Variants in DNAH12 observed in about 807,000 individuals in gnomAD.
DNAH12 encodes the protein axonemal beta dynein heavy chain 12.
In DNAH12, 285 loss-of-function variants were observed where a neutral mutation model predicts 371.5. That is an observed-to-expected ratio of 0.77 (90% CI 0.70 to 0.85). The LOEUF is 0.85. DNAH12 is among the 40% of genes least tolerant of loss of function. The probability of loss-of-function intolerance (pLI) is 0.00; values close to 1 mark genes in which losing one functional copy is unlikely to be tolerated. For missense variants in DNAH12, 3,611 were observed against 3,689.4 expected, an observed-to-expected ratio of 0.98 and a Z score of 0.55; for synonymous variants, 1,200 against 1,213.0, an observed-to-expected ratio of 0.99 and a Z score of 0.22.
chr3:57,396,980 G>A lies in DNAH12; in HGVS notation c.6949-2648C>T, dbSNP rs1024547866. 9.1e-3 allele frequency among the ~76,000 whole-genome samples: 1,379 copies of A among 152,124 alleles called. 6 individuals carry two copies. Among genetic ancestry groups the A allele is most frequent in the Non-Finnish European group, 0.014 (966 of 67,998 alleles). On this transcript the variant is annotated intron_variant, in intron 43 of 73. Transcript: ENST00000495027. ...GTGGAGGTTGCAGTGAGTGGAGATC[G>A]TGCCACTGCACTCCAGCCTGGGTGA...
Position 57,538,163 on chromosome 3 carries a change from G to A in DNAH12, c.170+4538C>T, listed in dbSNP as rs1575753092. ...AAAAAAATGAAGTGGAATTCAGTAA[G>A]AGGTAAAGTTTAGCAAAGTGAGCGC... On this transcript the variant is annotated intron_variant, in intron 2 of 73. Transcript: ENST00000495027. Among the ~76,000 whole-genome samples, 6 of 152,198 alleles carry A rather than the reference G, an allele frequency of 3.9e-5. No homozygotes were observed. The South Asian group carries it at 1.2e-3, about 32-fold the overall frequency.
chr3:57,502,480 C>T lies in DNAH12; in HGVS notation c.1087-1G>A. The T allele has an allele frequency of 6.2e-7, 1 of 1,613,578 alleles. No homozygotes were observed. The highest frequency in any genetic ancestry group is 8.5e-7 in the Non-Finnish European group (1 of 1,179,616). On this transcript the variant is annotated splice_acceptor_variant, in intron 9 of 73. Coordinates refer to ENST00000495027, the MANE Select transcript of DNAH12 (RefSeq NM_001366028.2). LOFTEE classifies it high-confidence loss of function. ...GCCAAGAGGGGATTGTTTGGACATT[C>T]TAACACAAATAAAAATAATAACAAT...
intron 43 of DNAH12, among the ~76,000 whole-genome samples, chr3:57,401,402 A>AAG (rs2063856072): frequency 6.6e-6 from 1 of 150,816 alleles, no homozygotes; most frequent in Admixed American, 6.6e-5. Flanking sequence ...ACAAAAAAAA[A>AAG]AAAAAGAAAA....
chr3:57,326,947 T>G (rs1388613973), intron 62 of DNAH12, among the ~76,000 whole-genome samples: 1 of 151,812 alleles, frequency 6.6e-6, no homozygotes, highest in Non-Finnish European at 1.5e-5. Context: ...CCAACAAAGA[T>G]CAAAAGAGAC....
chr3:57,457,241 C>G (rs1164632345), intron 22 of DNAH12, among the ~76,000 whole-genome samples: 1 of 152,164 alleles, frequency 6.6e-6, no homozygotes, highest in African/African-American at 2.4e-5. Context: ...ATGCAAACTC[C>G]TAACTGCCTT....
rs1288812107 is a variant in DNAH12 at position 57,461,535 on chromosome 3, G to A, written c.2690C>T (p.Thr897Ile). The change falls in exon 19 of 74, where the codon ACA (threonine) becomes ATA (isoleucine). Residue 897 changes from threonine to isoleucine, a missense_variant. Around this residue, in one of 3 missense-constraint regions of DNAH12, gnomAD observed 1,314 missense variants for 1,398.7 expected, o/e 0.94. Transcript: ENST00000495027. ...TTTGATGAAAGGTGAGCCTCTCATT[G>A]TCTGAGTTTTTATAATTTGATCATC... is the stretch of plus-strand genomic sequence containing the variant. Reference protein sequence around the residue: ...ILDDQIIKTQTMRGSPFIKPF... With the variant: ...ILDDQIIKTQIMRGSPFIKPF... 6.4e-7 allele frequency: 1 copy of A among 1,551,296 alleles called. No homozygotes were observed. The highest frequency in any genetic ancestry group is 1.2e-5 in the South Asian group (1 of 84,044).
chr3:57,324,281 C>T (rs1038607127), intron 62 of DNAH12, among the ~76,000 whole-genome samples: 2 of 152,042 alleles, frequency 1.3e-5, no homozygotes, highest in Admixed American at 6.6e-5. Flanking sequence ...TACTTTAGGT[C>T]CCTTTGTTAC....
Position 57,452,878 on chromosome 3 carries a change from T to C in DNAH12, c.3751A>G (p.Ile1251Val). Reference protein sequence around the residue: ...EYLGNSPRLVITPLTDRCYRT... With the variant: ...EYLGNSPRLVVTPLTDRCYRT... ...TAACACCTGTCAGTTAGAGGCGTAA[T>C]GACAAGTCGAGGTGAGTTACCAAGA... The change falls in exon 25 of 74, where the codon ATT (isoleucine) becomes GTT (valine). Residue 1251 changes from isoleucine to valine, a missense_variant. Physicochemically the swap from Ile to Val is conservative, Grantham distance 29. Around this residue, in one of 3 missense-constraint regions of DNAH12, gnomAD observed 2,266 missense variants for 2,236.9 expected, o/e 1.01. Coordinates refer to ENST00000495027, the MANE Select transcript of DNAH12 (RefSeq NM_001366028.2). 1.9e-6 allele frequency: 3 copies of C among 1,550,726 alleles called. No individual in the cohort carries two copies. The highest frequency in any genetic ancestry group is 1.4e-5 in the African/African-American group (1 of 73,130).
intron 60 of DNAH12, among the ~76,000 whole-genome samples, chr3:57,343,864 G>C (rs1553657098): frequency 6.6e-6 from 1 of 152,158 alleles, no homozygotes; most frequent in East Asian, 1.9e-4. Context: ...CGTTTGGGTG[G>C]AGAAAAACAT....
At chr3:57,309,293 G>T (rs1354881682) in intron 68 of DNAH12, 39 bp from the exon 69 acceptor site, 2 of 1,450,794 alleles carry the variant, frequency 1.4e-6, no homozygotes, top group East Asian at 2.5e-5. Context: ...ATTATTCTCA[G>T]AATGGATAAT....
intron 34 of DNAH12, 69 bp downstream of exon 34, chr3:57,428,564 T>C: frequency 6.6e-7 from 1 of 1,513,048 alleles, no homozygotes; most frequent in Non-Finnish European, 8.8e-7. Flanking sequence ...CCAACCACTG[T>C]GACTTTAGAC....
chr3:57,327,809 C>T (rs1427322225), intron 62 of DNAH12, among the ~76,000 whole-genome samples: 1 of 151,970 alleles, frequency 6.6e-6, no homozygotes, highest in African/African-American at 2.4e-5. Context: ...TGATAGACCG[C>T]TAGCAAGACT....
intron 70 of DNAH12, among the ~76,000 whole-genome samples, chr3:57,297,876 T>C (rs563404496): frequency 1.6e-4 from 25 of 152,308 alleles, no homozygotes; most frequent in African/African-American, 5.8e-4. Context: ...ACCTACCAAA[T>C]TGTTCAGTGA....
intron 40 of DNAH12, among the ~76,000 whole-genome samples, chr3:57,407,247 C>T (rs1221165645): frequency 1.4e-5 from 2 of 144,932 alleles, no homozygotes; most frequent in Non-Finnish European, 3.0e-5. Flanking sequence ...GCTCCAACCT[C>T]CACACATGGT....
At chr3:57,396,640 A>G (rs1318214826) in intron 43 of DNAH12, among the ~76,000 whole-genome samples, 4 of 152,114 alleles carry the variant, frequency 2.6e-5, no homozygotes, top group African/African-American at 9.7e-5. Context: ...CAGCCTCCCA[A>G]GTATCTGAGA....
chr3:57,513,769 A>G (rs2068084758), intron 4 of DNAH12, among the ~76,000 whole-genome samples: 2 of 152,214 alleles, frequency 1.3e-5, no homozygotes, highest in Non-Finnish European at 2.9e-5. Flanking sequence ...GTCACATATC[A>G]GATTGACAAA....
At chr3:57,521,050 T>TG (rs2068413677) in intron 4 of DNAH12, among the ~76,000 whole-genome samples, 1 of 93,374 alleles carries the variant, frequency 1.1e-5, no homozygotes, top group Non-Finnish European at 1.9e-5. Context: ...GGCGACAAAG[T>TG]GAGACTCTGT....
intron 62 of DNAH12, among the ~76,000 whole-genome samples, chr3:57,333,262 G>T (rs1231399833): frequency 6.7e-6 from 1 of 149,874 alleles, no homozygotes; most frequent in East Asian, 2.0e-4. Context: ...ACCCACCTCA[G>T]CCTCCCAAAG....
intron 2 of DNAH12, among the ~76,000 whole-genome samples, chr3:57,535,521 AT>A (rs547784256): frequency 1.3e-5 from 2 of 151,724 alleles, no homozygotes; most frequent in African/African-American, 2.4e-5. Flanking sequence ...ATAAACCTCT[AT>A]TTTTTTTATA....
Sources: allele counts gnomAD v4.1 joint callset (sites outside exome capture counted in the v4.1 genomes callset), GRCh38; gene constraint gnomAD v4.1.1; regional missense constraint gnomAD v4.1.1; transcripts MANE v1.5; gene names NCBI Gene and HGNC (gene_info 2026-07-23, HGNC 2026-07-21).